Variants in TENM3 observed in about 807,000 individuals in gnomAD.
TENM3 encodes teneurin-3.
A neutral mutation model predicts 255.1 loss-of-function variants in TENM3; 63 were observed. The observed-to-expected ratio is 0.25, with a 90% CI of 0.20 to 0.30. The LOEUF (loss-of-function observed/expected upper bound fraction) is 0.30. Among genes scored for constraint, TENM3 ranks in the 10% least tolerant of loss-of-function variants. TENM3 has a pLI of 1.00. For synonymous variants in TENM3, 1,306 were observed against 1,322.3 expected (o/e 0.99, Z 0.27); for missense variants, 2,929 against 3,461.1 (o/e 0.85, Z 3.86).
chr4:182,361,472 A>G (rs1399369479), intron 3 of TENM3, among the ~76,000 whole-genome samples: 1 of 151,942 alleles, frequency 6.6e-6, no homozygotes, highest in Non-Finnish European at 1.5e-5. Flanking sequence ...CATTCATTTC[A>G]TCTTCTATCC....
At chr4:182,549,386 T>C (rs1741783969) in intron 3 of TENM3, among the ~76,000 whole-genome samples, 1 of 152,180 alleles carries the variant, frequency 6.6e-6, no homozygotes, top group African/African-American at 2.4e-5. Context: ...TAGGATGAAG[T>C]CTATAATAGC....
At chr4:181,649,689 G>C in the TENM3 span, among the ~76,000 whole-genome samples, 2 of 152,188 alleles carry the variant, frequency 1.3e-5, no homozygotes. Context: ...TTTTAAACTA[G>C]CACAAGTTTA....
intron 12 of TENM3, among the ~76,000 whole-genome samples, chr4:182,697,420 C>G (rs1169128856): frequency 1.3e-5 from 2 of 152,136 alleles, no homozygotes; most frequent in Admixed American, 1.3e-4. Context: ...CGCTGAAAAT[C>G]TAGGGGAAAT....
chr4:181,836,070 T>C, the TENM3 span, among the ~76,000 whole-genome samples: 7 of 152,210 alleles, frequency 4.6e-5, 1 homozygote, highest in Admixed American at 6.5e-5. Context: ...TACTACCTGA[T>C]GGACTGCGAG....
the TENM3 span, among the ~76,000 whole-genome samples, chr4:181,719,177 CAGTCCGG>C: frequency 6.6e-6 from 1 of 151,024 alleles, no homozygotes. Context: ...CTGCAGTCCG[CAGTCCGG>C]CCTGGGCGAC....
the TENM3 span, among the ~76,000 whole-genome samples, chr4:181,794,321 G>A: frequency 6.6e-6 from 1 of 151,278 alleles, no homozygotes; most frequent in Non-Finnish European, 1.5e-5. Flanking sequence ...CTGCTCTCTT[G>A]GCAAATTTCA....
the TENM3 span, among the ~76,000 whole-genome samples, chr4:181,531,789 T>C: frequency 1.3e-5 from 2 of 151,852 alleles, no homozygotes; most frequent in Non-Finnish European, 2.9e-5. Context: ...GGAAAGGGAG[T>C]GTGCAGAAGG....
chr4:181,459,364 G>A, the TENM3 span, among the ~76,000 whole-genome samples: 1 of 151,688 alleles, frequency 6.6e-6, no homozygotes, highest in Non-Finnish European at 1.5e-5. Context: ...AAACTGATTA[G>A]GTAGACTTCA....
At chr4:182,395,061 C>T (rs1384543989) in intron 3 of TENM3, among the ~76,000 whole-genome samples, 2 of 152,142 alleles carry the variant, frequency 1.3e-5, no homozygotes, top group East Asian at 3.9e-4. Flanking sequence ...GAGGGCTTTT[C>T]ATGCTTAGAA....
chr4:181,449,254 T>A, the TENM3 span, among the ~76,000 whole-genome samples: 1 of 152,186 alleles, frequency 6.6e-6, no homozygotes, highest in Non-Finnish European at 1.5e-5. Context: ...TTTTCTCCTG[T>A]CATGTAGGTC....
rs761946545 is a variant in TENM3 at position 182,628,856 on chromosome 4, G to C, written c.955G>C (p.Val319Leu). The C allele has an allele frequency of 8.2e-5, 132 of 1,607,462 alleles. No homozygotes were observed. The highest frequency in any genetic ancestry group is 1.0e-4 in the Non-Finnish European group (122 of 1,176,778). Residue 319 changes from valine to leucine, a missense_variant, in exon 5 of 28, where the codon GTG (valine) becomes CTG (leucine). Transcript: ENST00000511685. ...TGCACTGTGTGCCGTAGGGGTCTCG[G>C]TGCTCCTGGCAATACTCCTGTCTTA... The part of the protein sequence containing the change: ...CTALCAVGVS[V>L]LLAILLSYFI...
chr4:182,321,943 T>TA (rs1763079938), intron 1 of TENM3, among the ~76,000 whole-genome samples: 1 of 151,984 alleles, frequency 6.6e-6, no homozygotes, highest in Non-Finnish European at 1.5e-5. Context: ...AGATTCCGTC[T>TA]AAAAAATAAT....
the TENM3 span, among the ~76,000 whole-genome samples, chr4:181,468,550 C>T: frequency 2.6e-5 from 4 of 152,308 alleles, no homozygotes; most frequent in Non-Finnish European, 5.9e-5. Flanking sequence ...CTGTATAGTG[C>T]GCTCTGAAAC....
chr4:181,459,364 G>C, the TENM3 span, among the ~76,000 whole-genome samples: 1 of 151,688 alleles, frequency 6.6e-6, no homozygotes, highest in African/African-American at 2.4e-5. Flanking sequence ...AAACTGATTA[G>C]GTAGACTTCA....
chr4:182,013,402 A>G, the TENM3 span, among the ~76,000 whole-genome samples: 1 of 152,220 alleles, frequency 6.6e-6, no homozygotes, highest in African/African-American at 2.4e-5. Context: ...ACCTTTGTTC[A>G]ATGCACATTG....
the TENM3 span, among the ~76,000 whole-genome samples, chr4:181,618,376 T>C: frequency 7.2e-5 from 11 of 152,300 alleles, no homozygotes; most frequent in African/African-American, 2.2e-4. Context: ...TCCACAGATA[T>C]ATCCATCCCA....
rs565161702 is a variant in TENM3 at position 182,382,104 on chromosome 4, G to A, written c.511+35175G>A. On this transcript the variant is annotated intron_variant, in intron 3 of 27. Transcript: ENST00000511685. ...GGTAGTTTGTAAATATGTGGATTTG[G>A]TTGACTATCTATGGCTATGAAGAGA... Among the ~76,000 whole-genome samples, 8 of 152,308 alleles carry A rather than the reference G, an allele frequency of 5.3e-5. No individual in the cohort carries two copies. The East Asian group carries it at 9.7e-4, about 18-fold the overall frequency.
At chr4:182,791,425 C>T (rs1385559834) in intron 25 of TENM3, among the ~76,000 whole-genome samples, 1 of 152,176 alleles carries the variant, frequency 6.6e-6, no homozygotes, top group Admixed American at 6.5e-5. Context: ...GACCTTCTCT[C>T]ACATTTGTTG....
At chr4:182,324,329 G>A in intron 2 of TENM3, 77 bp downstream of exon 2, 2 of 1,091,964 alleles carry the variant, frequency 1.8e-6, no homozygotes, top group Non-Finnish European at 2.8e-6. Flanking sequence ...CCCTCAAGGT[G>A]ACATGTCTGT....
Sources: allele counts gnomAD v4.1 joint callset (sites outside exome capture counted in the v4.1 genomes callset), GRCh38; gene constraint gnomAD v4.1.1; transcripts MANE v1.5; gene names NCBI Gene and HGNC (gene_info 2026-07-23, HGNC 2026-07-21).